The following PVT1 variants were observed in gnomAD, a reference collection of about 807,000 sequenced individuals.
The protein encoded by PVT1 is CXCR4/PVT1 fusion.
chr8:127,915,357 C>G (rs1007547487), intron 3 of PVT1, among the ~76,000 whole-genome samples: 2 of 151,732 alleles, frequency 1.3e-5, no homozygotes, highest in Non-Finnish European at 2.9e-5. Flanking sequence ...CACCTGTAAT[C>G]CCAGCACTTT....
intron 4 of PVT1, among the ~76,000 whole-genome samples, chr8:128,002,174 T>G (rs1157925620): frequency 6.6e-6 from 1 of 152,188 alleles, no homozygotes; most frequent in East Asian, 1.9e-4. Flanking sequence ...AATGCATAAA[T>G]GAGTGAAAGA....
intron 3 of PVT1, among the ~76,000 whole-genome samples, chr8:127,936,799 G>A (rs1377598068): frequency 6.6e-6 from 1 of 152,134 alleles, no homozygotes; most frequent in Non-Finnish European, 1.5e-5. Context: ...ACTCTTCGCT[G>A]GGAACATACC....
At chr8:127,897,400 A>G (rs1815692719) in intron 3 of PVT1, among the ~76,000 whole-genome samples, 1 of 152,264 alleles carries the variant, frequency 6.6e-6, no homozygotes, top group East Asian at 1.9e-4. Context: ...GTCCATAGGA[A>G]GAGCAGAGTA....
chr8:127,860,636 G>C (rs969770403), intron 2 of PVT1, among the ~76,000 whole-genome samples: 2 of 151,876 alleles, frequency 1.3e-5, no homozygotes, highest in African/African-American at 2.4e-5. Flanking sequence ...GTGGTGGCAC[G>C]TGCCTGTAAT....
intron 4 of PVT1, among the ~76,000 whole-genome samples, chr8:128,069,549 C>A (rs1395146603): frequency 6.6e-6 from 1 of 152,140 alleles, no homozygotes; most frequent in African/African-American, 2.4e-5. Flanking sequence ...GCACCATAAT[C>A]GTGCTGGGTG....
intron 4 of PVT1, among the ~76,000 whole-genome samples, chr8:128,015,915 G>T (rs111953562): frequency 6.6e-6 from 1 of 152,038 alleles, no homozygotes; most frequent in Non-Finnish European, 1.5e-5. Flanking sequence ...AACTGGCAGC[G>T]GAGATGAAGG....
intron 4 of PVT1, among the ~76,000 whole-genome samples, chr8:128,060,006 T>C (rs981639924): frequency 1.4e-4 from 21 of 152,198 alleles, no homozygotes; most frequent in South Asian, 1.0e-3. Context: ...CCTGTAATCC[T>C]AGCACTTTGG....
chr8:128,026,604 C>A (rs1228621748), intron 4 of PVT1, among the ~76,000 whole-genome samples: 2 of 152,114 alleles, frequency 1.3e-5, no homozygotes, highest in Non-Finnish European at 2.9e-5. Flanking sequence ...GGCTTACGAC[C>A]GAGATCAGCT....
chr8:127,937,570 C>CAG (rs1205346378), intron 3 of PVT1, among the ~76,000 whole-genome samples: 1 of 104,994 alleles, frequency 9.5e-6, no homozygotes, highest in African/African-American at 3.3e-5. Flanking sequence ...CACACACACA[C>CAG]ACACACACAC....
At chr8:128,005,216 T>C (rs1817231210) in intron 4 of PVT1, among the ~76,000 whole-genome samples, 1 of 152,226 alleles carries the variant, frequency 6.6e-6, no homozygotes, top group South Asian at 2.1e-4. Flanking sequence ...CACTACTACA[T>C]TTGTATTGTC....
chr8:127,846,980 C>CTTTTTTTTT lies in PVT1; in HGVS notation n.373-43595_373-43587dup, dbSNP rs34437112. ...ACAAGCGTGAGCCATTGCACATGGC[C>CTTTTTTTTT]TTTTTTTTTTTTTTTTTTTTTTGTT... On this transcript the variant is annotated intron_variant and non_coding_transcript_variant, in intron 2 of 10. Transcript: ENST00000651587. Among the ~76,000 whole-genome samples, 159 of 62,352 alleles carry CTTTTTTTTT rather than the reference C, an allele frequency of 2.6e-3. 1 individual carries two copies. The highest frequency in any genetic ancestry group is 8.6e-3 in the Middle Eastern group (1 of 116). The allele number at this position is 62,352 out of a possible 152,430, so 40.9% of individuals were successfully genotyped here. A position where few individuals can be genotyped will look rare whatever the true frequency, so the allele number is the denominator to read the frequency against.
intron 5 of PVT1, among the ~76,000 whole-genome samples, chr8:128,090,501 C>T (rs1284387071): frequency 2.0e-5 from 3 of 152,052 alleles, no homozygotes; most frequent in Non-Finnish European, 1.5e-5. Context: ...TCTTAGGGAG[C>T]CTTTTGTCAC....
At chr8:127,819,349 C>A (rs1814704242) in intron 2 of PVT1, among the ~76,000 whole-genome samples, 1 of 152,184 alleles carries the variant, frequency 6.6e-6, no homozygotes. Flanking sequence ...ATAGCTCTGA[C>A]TGTCACCAGG....
chr8:127,829,002 A>T (rs1034015773), intron 2 of PVT1, among the ~76,000 whole-genome samples: 1 of 152,204 alleles, frequency 6.6e-6, no homozygotes, highest in Non-Finnish European at 1.5e-5. Flanking sequence ...TGAGCAAAAA[A>T]TAATGATTGA....
intron 3 of PVT1, among the ~76,000 whole-genome samples, chr8:127,970,265 A>G (rs1225726738): frequency 2.4e-5 from 3 of 124,918 alleles, no homozygotes; most frequent in Non-Finnish European, 4.8e-5. Context: ...CCGCATTCAC[A>G]TTCCTCTCCA....
intron 4 of PVT1, among the ~76,000 whole-genome samples, chr8:128,026,196 G>T (rs966652355): frequency 6.6e-6 from 1 of 152,174 alleles, no homozygotes; most frequent in African/African-American, 2.4e-5. Context: ...ATCTGCCTCA[G>T]CCTCCCAAAG....
chr8:127,987,964 G>C (rs1413501309), intron 3 of PVT1, among the ~76,000 whole-genome samples: 1 of 152,214 alleles, frequency 6.6e-6, no homozygotes, highest in African/African-American at 2.4e-5. Context: ...CTGGGAACTG[G>C]ACTCTGAGTG....
At chr8:128,071,621 G>A (rs568932188) in intron 5 of PVT1, among the ~76,000 whole-genome samples, 115 of 151,556 alleles carry the variant, frequency 7.6e-4, no homozygotes, top group African/African-American at 2.7e-3. Context: ...GGAGGTCAAG[G>A]CTACAGTGAG....
At chr8:127,965,661 A>G (rs1816695517) in intron 3 of PVT1, among the ~76,000 whole-genome samples, 1 of 152,138 alleles carries the variant, frequency 6.6e-6, no homozygotes, top group Admixed American at 6.5e-5. Flanking sequence ...GATGCAGTAG[A>G]GTTATTTAGA....
Sources: gnomAD v4.1 joint callset for allele counts (sites outside exome capture counted in the v4.1 genomes callset) on GRCh38, gnomAD v4.1.1 for gene constraint, MANE v1.5 for transcripts, NCBI Gene and HGNC (gene_info 2026-07-23, HGNC 2026-07-21) for gene names.